The following NT5M variants were observed in gnomAD, a reference collection of about 807,000 sequenced individuals.
NT5M encodes 5'(3')-deoxyribonucleotidase, mitochondrial.
In NT5M, 22 loss-of-function variants were observed where a neutral mutation model predicts 22.2. The observed-to-expected ratio is 0.99, with a 90% confidence interval of 0.71 to 1.41. NT5M has a LOEUF of 1.41. Among genes scored for constraint, NT5M ranks in the 40% most tolerant of loss-of-function variants. The pLI is 0.00. For missense variants in NT5M, 322 were observed against 314.8 expected (o/e 1.02, Z -0.17); for synonymous variants, 167 against 133.0 (o/e 1.26, Z -1.76).
At position 17,303,674 on chromosome 17, in the gene NT5M, A is replaced by G. The variant is rs772697554; in HGVS notation, c.124A>G (p.Met42Val). The G allele has an allele frequency of 1.2e-5, 19 of 1,577,830 alleles. No homozygotes were observed. In the East Asian group the frequency reaches 2.7e-4, roughly 22 times the overall value. The change falls in exon 1 of 5, where the codon ATG (methionine) becomes GTG (valine). Residue 42 changes from methionine (M) to valine (V), a missense_variant. Coordinates refer to ENST00000389022, the MANE Select transcript of NT5M (RefSeq NM_020201.4). ...CCGCGCCCTACGGGTGCTGGTGGAC[A>G]TGGACGGCGTGCTGGCTGACTTCGA... is the stretch of plus-strand genomic sequence containing the variant. The part of the protein sequence containing the change: ...GGRALRVLVD[M>V]DGVLADFEGG...
intron 4 of NT5M, chr17:17,345,200 A>T: frequency 8.5e-7 from 1 of 1,176,032 alleles, no homozygotes; most frequent in Non-Finnish European, 1.1e-6. Context: ...TGGGGACTCA[A>T]CTCTGGTTTC....
In NT5M at chr17:17,346,956, G is replaced by A. The variant is rs781130720; in HGVS notation, c.*9G>A. The A allele has an allele frequency of 6.2e-7, 1 of 1,610,388 alleles. No homozygotes were observed. The highest frequency in any genetic ancestry group is 1.1e-5 in the South Asian group (1 of 91,042). On this transcript the variant is annotated 3_prime_UTR_variant, in exon 5 of 5. Transcript: ENST00000389022. ...GCAAGCGGCCCTGCTGAGCTGGACT[G>A]TGCTTCGGGCTCCTCTGTGGGGCTC... is the stretch of plus-strand genomic sequence containing the variant.
At chr17:17,311,906 T>G (rs527414511) in intron 2 of NT5M, among the ~76,000 whole-genome samples, 2 of 152,354 alleles carry the variant, frequency 1.3e-5, no homozygotes, top group South Asian at 4.1e-4. Context: ...ACTTAAGCTT[T>G]CAAAACCCTG....
intron 3 of NT5M, among the ~76,000 whole-genome samples, chr17:17,338,278 C>T (rs139549933): frequency 4.7e-4 from 71 of 152,076 alleles, no homozygotes; most frequent in South Asian, 2.5e-3. Flanking sequence ...CTGCAATGTC[C>T]GTCTCCCGGG....
chr17:17,328,607 C>T (rs764285305), intron 3 of NT5M, among the ~76,000 whole-genome samples: 7 of 152,160 alleles, frequency 4.6e-5, no homozygotes, highest in Non-Finnish European at 5.9e-5. Context: ...ACGGTAGCCC[C>T]GGTCTAGGCT....
At chr17:17,311,329 ACT>A (rs141222831) in intron 2 of NT5M, among the ~76,000 whole-genome samples, 2,628 of 122,652 alleles carry the variant, frequency 0.021, 80 homozygotes, top group African/African-American at 0.073. Context: ...ACAGAGTGAG[ACT>A]CTGTCTCAAA....
chr17:17,329,977 A>G (rs1277022490), intron 3 of NT5M, among the ~76,000 whole-genome samples: 2 of 152,004 alleles, frequency 1.3e-5, no homozygotes, highest in East Asian at 1.9e-4. Flanking sequence ...GTCTCAAAAA[A>G]ACAAAAACAA....
intron 3 of NT5M, among the ~76,000 whole-genome samples, chr17:17,337,654 T>G (rs2049545634): frequency 1.3e-5 from 2 of 152,174 alleles, no homozygotes; most frequent in African/African-American, 4.8e-5. Context: ...CCTCCCAAAG[T>G]GCTGGGATTA....
intron 2 of NT5M, among the ~76,000 whole-genome samples, chr17:17,318,407 G>A (rs1334987317): frequency 6.9e-6 from 1 of 145,428 alleles, no homozygotes; most frequent in Non-Finnish European, 1.5e-5. Context: ...TTGAACTGGG[G>A]AAACGGGAGG....
intron 1 of NT5M, among the ~76,000 whole-genome samples, chr17:17,305,394 G>GCCCCCCCCCCCCCCCCCCCC (rs34579357): frequency 1.6e-4 from 12 of 74,138 alleles, no homozygotes; most frequent in African/African-American, 2.5e-4. Flanking sequence ...TAAAACAACC[G>GCCCCCCCCCCCCCCCCCCCC]CCCCCCCCCC....
At chr17:17,319,390 A>G (rs2049104342) in intron 2 of NT5M, among the ~76,000 whole-genome samples, 1 of 152,134 alleles carries the variant, frequency 6.6e-6, no homozygotes, top group South Asian at 2.1e-4. Context: ...AAAACCCTGT[A>G]AATATACTAA....
At chr17:17,311,867 G>A (rs2048928927) in intron 2 of NT5M, among the ~76,000 whole-genome samples, 1 of 152,212 alleles carries the variant, frequency 6.6e-6, no homozygotes, top group Non-Finnish European at 1.5e-5. Context: ...AGGAGTCTGA[G>A]AGGCAAAGAA....
At chr17:17,339,854 A>G (rs189945603) in intron 3 of NT5M, among the ~76,000 whole-genome samples, 208 of 152,178 alleles carry the variant, frequency 1.4e-3, no homozygotes, top group African/African-American at 4.9e-3. Context: ...TGATCTTTTT[A>G]ATGTGTTGTT....
At chr17:17,339,476 C>T (rs976172900) in intron 3 of NT5M, among the ~76,000 whole-genome samples, 1 of 152,102 alleles carries the variant, frequency 6.6e-6, no homozygotes, top group Non-Finnish European at 1.5e-5. Context: ...TTTCTCTTGT[C>T]TGATTGCTCT....
At position 17,303,675 on chromosome 17, in the gene NT5M, T is replaced by A; in HGVS notation, c.125T>A (p.Met42Lys). 1 of 1,578,728 alleles carries A rather than the reference T, an allele frequency of 6.3e-7. No homozygotes were observed. The highest frequency in any genetic ancestry group is 8.6e-7 in the Non-Finnish European group (1 of 1,165,000). Reference protein sequence around the residue: ...GGRALRVLVDMDGVLADFEGG... With the variant: ...GGRALRVLVDKDGVLADFEGG... ...CGCGCCCTACGGGTGCTGGTGGACA[T>A]GGACGGCGTGCTGGCTGACTTCGAG... The change falls in exon 1 of 5, where the codon ATG (methionine) becomes AAG (lysine). Residue 42 changes from methionine to lysine, a missense_variant. Coordinates refer to ENST00000389022, the MANE Select transcript of NT5M (RefSeq NM_020201.4).
intron 1 of NT5M, among the ~76,000 whole-genome samples, chr17:17,306,274 C>A (rs918924245): frequency 2.0e-5 from 3 of 152,184 alleles, no homozygotes; most frequent in African/African-American, 7.2e-5. Flanking sequence ...GCCTCAGGTC[C>A]CAGAGAGCTC....
chr17:17,313,074 G>A (rs971535111), intron 2 of NT5M, among the ~76,000 whole-genome samples: 4 of 151,974 alleles, frequency 2.6e-5, no homozygotes, highest in Non-Finnish European at 2.9e-5. Context: ...GTTCGAGACC[G>A]GCCTGACCAA....
At chr17:17,344,715 C>G in intron 3 of NT5M, 79 bp from the exon 4 acceptor site, 2 of 1,550,858 alleles carry the variant, frequency 1.3e-6, no homozygotes, top group Non-Finnish European at 1.8e-6. Flanking sequence ...TAGGCTGACC[C>G]CTGCCCTCGG....
At chr17:17,330,169 G>A (rs572239332) in intron 3 of NT5M, among the ~76,000 whole-genome samples, 4 of 150,896 alleles carry the variant, frequency 2.7e-5, no homozygotes, top group South Asian at 2.1e-4. Context: ...GCGTTGTGGC[G>A]GGCGCCTGTA....
Sources: gnomAD v4.1 joint callset for allele counts (sites outside exome capture counted in the v4.1 genomes callset) on GRCh38, gnomAD v4.1.1 for gene constraint, MANE v1.5 for transcripts, NCBI Gene and HGNC (gene_info 2026-07-23, HGNC 2026-07-21) for gene names.